Variants in CNKSR2 observed in about 807,000 individuals in gnomAD.
CNKSR2 encodes CNK homolog protein 2.
In CNKSR2, 14 loss-of-function variants were observed where a neutral mutation model predicts 84.4. The observed-to-expected ratio is 0.17, with a 90% CI of 0.11 to 0.26. CNKSR2 has a LOEUF of 0.26. Among genes scored for constraint, CNKSR2 ranks in the 10% least tolerant of loss-of-function variants. CNKSR2 has a pLI of 1.00. For synonymous variants in CNKSR2, 275 were observed against 277.9 expected, an observed-to-expected ratio of 0.99 and a Z score of 0.10; for missense variants, 485 against 771.2, an observed-to-expected ratio of 0.63 and a Z score of 4.40.
chrX:21,452,341 G>A (rs1050656383), intron 4 of CNKSR2, among the ~76,000 whole-genome samples: 13 of 111,332 alleles, frequency 1.2e-4, no homozygotes, highest in South Asian at 3.7e-4. Context: ...ATCTGCCTGC[G>A]TAGGCCTCCC....
At chrX:21,540,997 T>C (rs1396274714) in intron 11 of CNKSR2, among the ~76,000 whole-genome samples, 3 of 110,656 alleles carry the variant, frequency 2.7e-5, no homozygotes, top group Non-Finnish European at 5.7e-5. Flanking sequence ...TGTTTTTTTT[T>C]TTTGAGATGG....
chrX:21,400,304 T>C (rs1207323800), intron 1 of CNKSR2, among the ~76,000 whole-genome samples: 5 of 110,357 alleles, frequency 4.5e-5, no homozygotes, highest in African/African-American at 1.6e-4. Flanking sequence ...CATGGCCTGC[T>C]CATACAAAAA....
intron 20 of CNKSR2, among the ~76,000 whole-genome samples, chrX:21,632,371 A>G (rs780816747): frequency 4.5e-5 from 5 of 111,830 alleles, no homozygotes; most frequent in Non-Finnish European, 9.4e-5. Flanking sequence ...GGCTAAAACT[A>G]AGGCCTTGGT....
At chrX:21,445,995 C>G (rs2090849826) in intron 4 of CNKSR2, among the ~76,000 whole-genome samples, 1 of 111,384 alleles carries the variant, frequency 9.0e-6, no homozygotes. Context: ...TATGATAGTT[C>G]TATTTTTGTG....
At chrX:21,498,017 CT>C (rs1286281096) in intron 7 of CNKSR2, among the ~76,000 whole-genome samples, 171 bp downstream of exon 7, 4 of 109,500 alleles carry the variant, frequency 3.7e-5, no homozygotes, top group Non-Finnish European at 5.7e-5. Flanking sequence ...TCAAATTTCC[CT>C]TTTTTTTTGT....
chrX:21,489,014 C>T (rs1301579355), intron 5 of CNKSR2, among the ~76,000 whole-genome samples: 6 of 111,358 alleles, frequency 5.4e-5, no homozygotes, highest in Non-Finnish European at 7.5e-5. Context: ...TGCAGATTCA[C>T]TGAGCCAGAC....
At chrX:21,415,958 G>A (rs2090416625) in intron 1 of CNKSR2, among the ~76,000 whole-genome samples, 1 of 107,782 alleles carries the variant, frequency 9.3e-6, no homozygotes, top group Non-Finnish European at 1.9e-5. Flanking sequence ...GGCTGCTCTA[G>A]CTAGGACTTC....
chrX:21,402,550 G>T (rs954804053), intron 1 of CNKSR2, among the ~76,000 whole-genome samples: 2 of 110,804 alleles, frequency 1.8e-5, no homozygotes, highest in African/African-American at 6.5e-5. Flanking sequence ...TAGTATCTTA[G>T]AACGTGAAAC....
chrX:21,628,478 G>A (rs768981501), intron 20 of CNKSR2, among the ~76,000 whole-genome samples: 60 of 111,599 alleles, frequency 5.4e-4, no homozygotes, highest in Admixed American at 7.6e-4. Context: ...TGAGAACCCC[G>A]TCCCTGCAGC....
chrX:21,635,155 A>G (rs1602060290), intron 20 of CNKSR2, among the ~76,000 whole-genome samples: 1 of 108,410 alleles, frequency 9.2e-6, no homozygotes, highest in South Asian at 4.0e-4. Flanking sequence ...CAGAATAAGA[A>G]AAGAATTGAT....
At chrX:21,609,986 A>G (rs1387584262) in intron 20 of CNKSR2, among the ~76,000 whole-genome samples, 1 of 112,131 alleles carries the variant, frequency 8.9e-6, no homozygotes, top group Admixed American at 9.5e-5. Context: ...GGGTTAAGAA[A>G]CTATAAATGT....
intron 10 of CNKSR2, among the ~76,000 whole-genome samples, chrX:21,527,984 C>A (rs2091850777): frequency 9.1e-6 from 1 of 110,305 alleles, no homozygotes; most frequent in Non-Finnish European, 1.9e-5. Context: ...TGCTGCATGG[C>A]AATATGGTTT....
At chrX:21,416,973 C>T (rs1272516778) in intron 1 of CNKSR2, among the ~76,000 whole-genome samples, 1 of 111,236 alleles carries the variant, frequency 9.0e-6, no homozygotes, top group Non-Finnish European at 1.9e-5. Flanking sequence ...TTTTGGTTTG[C>T]TCTCTTTTCT....
chrX:21,600,768 G>A (rs745985139), intron 17 of CNKSR2, among the ~76,000 whole-genome samples: 1 of 112,434 alleles, frequency 8.9e-6, no homozygotes, highest in East Asian at 2.8e-4. Flanking sequence ...TGTATTTAGA[G>A]ACAAGTGTCC....
chrX:21,497,532 C>T (rs2091513316), intron 6 of CNKSR2, among the ~76,000 whole-genome samples: 1 of 111,161 alleles, frequency 9.0e-6, no homozygotes, highest in Non-Finnish European at 1.9e-5. Context: ...TGCATTTTAT[C>T]AGTCTCACAG....
At chrX:21,598,087 A>G (rs753436260) in intron 17 of CNKSR2, among the ~76,000 whole-genome samples, 2 of 110,025 alleles carry the variant, frequency 1.8e-5, no homozygotes, top group South Asian at 7.8e-4. Context: ...CACATAGAAT[A>G]TTAAAATATC....
chrX:21,375,023 G>C (rs2146930669), intron 1 of CNKSR2, 62 bp downstream of exon 1: 1 of 978,501 alleles, frequency 1.0e-6, no homozygotes, highest in East Asian at 3.1e-5. Context: ...TGCGAGGTTA[G>C]GAGGGGGCGC....
At chrX:21,565,202 G>T (rs1434025070) in intron 13 of CNKSR2, among the ~76,000 whole-genome samples, 1 of 111,490 alleles carries the variant, frequency 9.0e-6, no homozygotes, top group African/African-American at 3.3e-5. Flanking sequence ...TGAGAGTAGT[G>T]AGTCATTGAA....
intron 19 of CNKSR2, 76 bp downstream of exon 19, chrX:21,606,955 T>C: frequency 6.0e-6 from 3 of 500,300 alleles, no homozygotes; most frequent in Admixed American, 4.2e-5. Context: ...TAAAAACATA[T>C]GTAGTAGATT....
Sources: gnomAD v4.1 joint callset for allele counts (sites outside exome capture counted in the v4.1 genomes callset) on GRCh38, gnomAD v4.1.1 for gene constraint, MANE v1.5 for transcripts, NCBI Gene and HGNC (gene_info 2026-07-23, HGNC 2026-07-21) for gene names.